HABP2: variants seen among roughly 807,000 people sequenced by gnomAD.
The protein encoded by HABP2 is hyaluronan binding protein 2, also known as factor VII-activating protease.
Under a neutral mutation model 66.5 loss-of-function variants are expected in HABP2, and 65 were observed. The observed-to-expected ratio is 0.98, with a 90% confidence interval of 0.80 to 1.20. The LOEUF is 1.20. HABP2 is among the 50% of genes most tolerant of loss of function. The probability of loss-of-function intolerance (pLI) is 0.00; values close to 1 mark genes in which losing one functional copy is unlikely to be tolerated. For missense variants in HABP2, 786 were observed against 691.0 expected, an observed-to-expected ratio of 1.14 and a Z score of -1.54; for synonymous variants, 263 against 253.9, an observed-to-expected ratio of 1.04 and a Z score of -0.34.
At chr10:113,584,082 T>G in intron 10 of HABP2, 66 bp from the exon 11 acceptor site, 3 of 1,459,740 alleles carry the variant, frequency 2.1e-6, no homozygotes, top group Non-Finnish European at 2.9e-6. Context: ...ATGAGCAAGT[T>G]GGAGCTGGTG....
rs1274685636 is a variant in HABP2, at chr10:113,578,955, T to A, written c.740+157T>A. Among the ~76,000 whole-genome samples, 3 of 152,134 alleles carry A rather than the reference T, an allele frequency of 2.0e-5. No individual in the cohort carries two copies. The East Asian group carries it at 5.8e-4, about 29-fold the overall frequency. On this transcript the variant is annotated intron_variant, in intron 7 of 12. Transcript: ENST00000351270. The stretch of plus-strand genomic sequence containing the variant: ...AACTGCCAAATGTCAGTGGCTCAAA[T>A]ACATCAAAGTCTATTTCTGGGCTGG...
chr10:113,561,808 A>G (rs1429501564), intron 1 of HABP2, among the ~76,000 whole-genome samples: 1 of 152,208 alleles, frequency 6.6e-6, no homozygotes, highest in Admixed American at 6.5e-5. Context: ...AAGTTTTGGA[A>G]TTCTGGAAGG....
rs746626028 is a variant in HABP2 at position 113,580,693 on chromosome 10, G to A, written c.838+1G>A. 2.6e-6 allele frequency: 4 copies of A among 1,510,834 alleles called. No homozygotes were observed. The highest frequency in any genetic ancestry group is 2.2e-5 in the South Asian group (2 of 88,996). 93.6% of individuals were successfully genotyped at this position (1,510,834 alleles called of 1,614,324 possible). A position where few individuals can be genotyped will look rare whatever the true frequency, so the allele number is the denominator to read the frequency against. On this transcript the variant is annotated splice_donor_variant, in intron 8 of 12. Transcript: ENST00000351270. LOFTEE classifies it high-confidence loss of function. ...GATGTCTCAGCCTGCTCAGCCCAGG[G>A]TAAAGGCCATGGCTGTTCAGAAGCC...
At position 113,588,404 on chromosome 10, in the gene HABP2, T is replaced by C. The variant is rs745307755; in HGVS notation, c.*35T>C. On this transcript the variant is annotated 3_prime_UTR_variant, in exon 13 of 13. Transcript: ENST00000351270. ...TTCTGGACCTCAGAGCCCACTCTCC[T>C]TGGCACCCTGACACCGGGAGGCCTC... 3.2e-6 allele frequency: 5 copies of C among 1,562,132 alleles called. No individual in the cohort carries two copies.
intron 2 of HABP2, chr10:113,572,543 C>G: frequency 3.5e-6 from 1 of 286,982 alleles, no homozygotes; most frequent in South Asian, 3.0e-5. Context: ...ATGCAATCAG[C>G]TCCTTATCAA....
chr10:113,552,953 G>A, upstream of HABP2: 1 of 582,208 alleles, frequency 1.7e-6, no homozygotes, highest in Non-Finnish European at 3.1e-6. Flanking sequence ...AATCAAGATA[G>A]TTAGTTTGCA....
chr10:113,574,172 A>G, intron 2 of HABP2, 117 bp from the exon 3 acceptor site: 1 of 656,350 alleles, frequency 1.5e-6, no homozygotes, highest in Non-Finnish European at 2.8e-6. Context: ...GGAGAGACAC[A>G]TGATTCCTCC....
At chr10:113,563,943 G>T (rs557917261) in intron 1 of HABP2, among the ~76,000 whole-genome samples, 36 of 152,326 alleles carry the variant, frequency 2.4e-4, no homozygotes, top group Non-Finnish European at 4.9e-4. Flanking sequence ...ATGACTGGGG[G>T]TGATGAGGGC....
rs775760955 is a variant in HABP2 at position 113,577,172 on chromosome 10, C to T, written c.354C>T (p.Asn118=). 1 of 1,609,550 alleles carries T rather than the reference C, an allele frequency of 6.2e-7. No homozygotes were observed. The highest frequency in any genetic ancestry group is 2.2e-5 in the East Asian group (1 of 44,838). ...CQKVQNTCKD[N]PCGRGQCLIT... ...CAGTGCAAAATACGTGCAAGGACAA[C>T]CCATGTGGCCGGGGCCAATGTCTCA... Residue 118 remains asparagine (N), a synonymous_variant, in exon 5 of 13, where the codon AAC becomes AAT. Coordinates refer to ENST00000351270, the MANE Select transcript of HABP2 (RefSeq NM_004132.5).
chr10:113,586,476 G>GTGTGTGT (rs58122719), intron 12 of HABP2, among the ~76,000 whole-genome samples: 7 of 86,706 alleles, frequency 8.1e-5, no homozygotes, highest in East Asian at 2.9e-4. Context: ...GTGTGTGTGT[G>GTGTGTGT]GGGGGGGGGG....
intron 5 of HABP2, 75 bp downstream of exon 5, chr10:113,577,341 C>A: frequency 2.5e-6 from 2 of 789,460 alleles, no homozygotes; most frequent in East Asian, 2.5e-5. Flanking sequence ...GCATGGAAGG[C>A]CAGATGCATC....
chr10:113,561,002 T>C lies in HABP2; in HGVS notation c.70-6487T>C, dbSNP rs982855072. On this transcript the variant is annotated intron_variant, in intron 1 of 12. Transcript: ENST00000351270. ...TATCACTGAAAGGTACACTTACAAATGGTCAAAACGATAAATGTGATGTTC... is the reference window on the plus strand; with the variant it reads ...TATCACTGAAAGGTACACTTACAAACGGTCAAAACGATAAATGTGATGTTC... Among the ~76,000 whole-genome samples, 4 of 152,334 alleles carry C rather than the reference T, an allele frequency of 2.6e-5. No homozygotes were observed. The Middle Eastern group carries it at 0.014, about 518-fold the overall frequency.
At chr10:113,561,665 C>T (rs900338341) in intron 1 of HABP2, among the ~76,000 whole-genome samples, 1 of 152,112 alleles carries the variant, frequency 6.6e-6, no homozygotes, top group Non-Finnish European at 1.5e-5. Flanking sequence ...GGAGCTGAGC[C>T]TCTGTCCCCA....
intron 1 of HABP2, among the ~76,000 whole-genome samples, chr10:113,562,531 A>G (rs920452237): frequency 7.0e-6 from 1 of 141,894 alleles, no homozygotes; most frequent in African/African-American, 2.7e-5. Flanking sequence ...TGCAGCCTCC[A>G]CTTCTCAGGT....
In HABP2 at chr10:113,573,106, T is replaced by C. The variant is rs7085363; in HGVS notation, c.107-1183T>C. Among the ~76,000 whole-genome samples, 277 of 152,342 alleles carry C rather than the reference T, an allele frequency of 1.8e-3. 2 individuals are homozygous for C. The highest frequency in any genetic ancestry group is 6.4e-3 in the African/African-American group (268 of 41,568). ...CATTTGCTCGCGCCTCATTATCATA[T>C]GCATCTCTGGACAGCTTCCTTGCAG... On this transcript the variant is annotated intron_variant, in intron 2 of 12. Transcript: ENST00000351270.
chr10:113,570,261 A>T (rs956606029), intron 2 of HABP2: 3 of 152,244 alleles, frequency 2.0e-5, no homozygotes, highest in Non-Finnish European at 4.4e-5. Flanking sequence ...GTGAAGTAAG[A>T]TTGTGGGCAA....
intron 11 of HABP2, among the ~76,000 whole-genome samples, chr10:113,584,944 CA>C (rs11575779): frequency 5.9e-5 from 9 of 152,118 alleles, no homozygotes; most frequent in South Asian, 4.2e-4. Flanking sequence ...CCCACTACTA[CA>C]AAAAAAATTC....
intron 1 of HABP2, among the ~76,000 whole-genome samples, chr10:113,553,761 G>A (rs937392481): frequency 6.6e-6 from 1 of 152,210 alleles, no homozygotes; most frequent in African/African-American, 2.4e-5. Flanking sequence ...GGCAGAGAAG[G>A]TGAGCAGGGG....
Position 113,553,058 on chromosome 10 carries a change from C to CCG in HABP2, c.-64_-63insCG, listed in dbSNP as rs1565093509. The CCG allele has an allele frequency of 5.3e-5, 65 of 1,229,592 alleles. No individual in the cohort carries two copies. In the African/African-American group the frequency reaches 9.2e-4, roughly 17 times the overall value. 76.2% of individuals were successfully genotyped at this position (1,229,592 alleles called of 1,614,324 possible). ...CCTTGGAGACTGACATTTTTCCCCCCTAAAGGCATAGACAACAAAAGAAAT... is the reference window on the plus strand; with the variant it reads ...CCTTGGAGACTGACATTTTTCCCCCCCGTAAAGGCATAGACAACAAAAGAAAT... On this transcript the variant is annotated 5_prime_UTR_variant, in exon 1 of 13. Coordinates refer to ENST00000351270, the MANE Select transcript of HABP2 (RefSeq NM_004132.5).
Sources: allele counts gnomAD v4.1 joint callset (sites outside exome capture counted in the v4.1 genomes callset), GRCh38; gene constraint gnomAD v4.1.1; transcripts MANE v1.5; gene names NCBI Gene and HGNC (gene_info 2026-07-23, HGNC 2026-07-21).